The following CPSF3 variants were observed in gnomAD, a reference collection of about 807,000 sequenced individuals.
CPSF3 encodes the protein cleavage and polyadenylation specific factor 3.
CPSF3 carries 57 observed loss-of-function variants against 84.1 expected under a neutral mutation model. The ratio of observed to expected loss-of-function variants is 0.68; its 90% confidence interval spans 0.55 to 0.85. The LOEUF (loss-of-function observed/expected upper bound fraction) is 0.85. CPSF3 is among the 40% of genes least tolerant of loss of function. The probability of loss-of-function intolerance (pLI) is 0.00; values close to 1 mark genes in which losing one functional copy is unlikely to be tolerated. For synonymous variants in CPSF3, 275 were observed against 278.1 expected, an observed-to-expected ratio of 0.99 and a Z score of 0.11; for missense variants, 522 against 838.8, an observed-to-expected ratio of 0.62 and a Z score of 4.66.
At chr2:9,428,939 C>T (rs1680485480) in intron 2 of CPSF3, 111 bp downstream of exon 2, 1 of 673,878 alleles carries the variant, frequency 1.5e-6, no homozygotes, top group Non-Finnish European at 2.7e-6. Flanking sequence ...TGTTATAGTA[C>T]ATGTAATCTA....
intron 16 of CPSF3, among the ~76,000 whole-genome samples, chr2:9,470,881 TTAA>T (rs1404247306): frequency 6.6e-6 from 1 of 152,242 alleles, no homozygotes; most frequent in Non-Finnish European, 1.5e-5. Context: ...TTTTATAAAC[TTAA>T]TAAGCTGTAT....
chr2:9,444,156 A>ATTT (rs1455536114), intron 10 of CPSF3, among the ~76,000 whole-genome samples: 17 of 134,872 alleles, frequency 1.3e-4, no homozygotes, highest in African/African-American at 5.3e-4. Flanking sequence ...ATATATATAT[A>ATTT]TATTTTTTTT....
chr2:9,473,099 G>A lies in CPSF3; in HGVS notation c.*82G>A. 1 of 956,994 alleles carries A rather than the reference G, an allele frequency of 1.0e-6. No homozygotes were observed. The highest frequency in any genetic ancestry group is 1.6e-6 in the Non-Finnish European group (1 of 623,948). 59.3% of individuals were successfully genotyped at this position (956,994 alleles called of 1,614,324 possible). The stretch of plus-strand genomic sequence containing the variant: ...AATAAAATGCATTCGTTTCTCTGGG[G>A]GAGCCTGTTTACTTTTAATGTCAAA... On this transcript the variant is annotated 3_prime_UTR_variant, in exon 18 of 18. Coordinates refer to ENST00000238112, the MANE Select transcript of CPSF3 (RefSeq NM_016207.4).
chr2:9,444,987 C>T (rs1446247731), intron 10 of CPSF3, among the ~76,000 whole-genome samples: 1 of 152,046 alleles, frequency 6.6e-6, no homozygotes, highest in Admixed American at 6.6e-5. Context: ...TTTTTAAATA[C>T]GTTTTACTGT....
intron 9 of CPSF3, among the ~76,000 whole-genome samples, chr2:9,442,734 C>A (rs1055382789): frequency 5.3e-5 from 8 of 152,036 alleles, no homozygotes; most frequent in African/African-American, 1.9e-4. Flanking sequence ...TGCCTGTAAT[C>A]CCAGCTACTC....
At chr2:9,462,957 T>A (rs1681780868) in intron 15 of CPSF3, among the ~76,000 whole-genome samples, 1 of 152,180 alleles carries the variant, frequency 6.6e-6, no homozygotes, top group Non-Finnish European at 1.5e-5. Flanking sequence ...AGGTTTTATA[T>A]TCCTCTGGGA....
At chr2:9,467,830 G>GC (rs1682026947) in intron 16 of CPSF3, 54 bp downstream of exon 16, 23 of 1,459,708 alleles carry the variant, frequency 1.6e-5, no homozygotes, top group Non-Finnish European at 2.1e-5. Flanking sequence ...GCCGGAAGGA[G>GC]CCCTGGATTC....
At position 9,430,175 on chromosome 2, in the gene CPSF3, C is replaced by A. The variant is rs80124964; in HGVS notation, c.212+155C>A. On this transcript the variant is annotated intron_variant, in intron 3 of 17. Transcript: ENST00000238112. ...AGTCTAAACCAACACTCCGTAATGT[C>A]ATCACAGGCTAGAGAAGTTTGCTAT... 2.5e-4 allele frequency among the ~76,000 whole-genome samples: 38 copies of A among 152,312 alleles called. No individual in the cohort carries two copies. In the East Asian group the frequency reaches 7.3e-3, roughly 29 times the overall value.
At chr2:9,471,493 C>T (rs1456071922) in intron 17 of CPSF3, 54 bp downstream of exon 17, 2 of 1,058,904 alleles carry the variant, frequency 1.9e-6, no homozygotes, top group African/African-American at 1.6e-5. Flanking sequence ...AAAGTGAAGG[C>T]ATAAATAATC....
chr2:9,437,424 CA>C (rs993663303), intron 7 of CPSF3, among the ~76,000 whole-genome samples: 163 of 147,156 alleles, frequency 1.1e-3, no homozygotes, highest in Non-Finnish European at 1.8e-3. Flanking sequence ...CAAACAACAA[CA>C]AAAAAAAAAC....
intron 15 of CPSF3, among the ~76,000 whole-genome samples, chr2:9,463,115 G>C (rs4643512): frequency 0.069 from 10,543 of 152,274 alleles, 1,257 homozygotes; most frequent in African/African-American, 0.24. Flanking sequence ...TGACATTCTG[G>C]CATGTCCCAG....
rs565641240 is a variant in CPSF3 at position 9,437,479 on chromosome 2, A to G, written c.760+1118A>G. Among the ~76,000 whole-genome samples the G allele has an allele frequency of 2.0e-5, 3 of 152,312 alleles. No individual in the cohort carries two copies. The South Asian group carries it at 6.2e-4, about 32-fold the overall frequency. On this transcript the variant is annotated intron_variant, in intron 7 of 17. Transcript: ENST00000238112. ...AGTTAGGTAAAAAATGCACACACAAATGACTGAAAAGCTACTAAATCTGGA... is the reference window on the plus strand; with the variant it reads ...AGTTAGGTAAAAAATGCACACACAAGTGACTGAAAAGCTACTAAATCTGGA...
At chr2:9,444,137 A>AT in intron 10 of CPSF3, among the ~76,000 whole-genome samples, 1 of 125,416 alleles carries the variant, frequency 8.0e-6, no homozygotes, top group East Asian at 2.0e-4. Context: ...CTTAATATAT[A>AT]TATTATATAT....
intron 5 of CPSF3, among the ~76,000 whole-genome samples, chr2:9,433,459 A>G (rs1219802993): frequency 6.6e-6 from 1 of 152,236 alleles, no homozygotes; most frequent in East Asian, 1.9e-4. Flanking sequence ...CACAAAAAAT[A>G]AGTAGCACAA....
chr2:9,438,985 C>A (rs1680877568), intron 7 of CPSF3, among the ~76,000 whole-genome samples: 2 of 152,046 alleles, frequency 1.3e-5, no homozygotes, highest in South Asian at 4.1e-4. Context: ...AGAGTTTATT[C>A]ATAAAAACAC....
intron 2 of CPSF3, 104 bp from the exon 3 acceptor site, chr2:9,429,819 C>T: frequency 2.8e-6 from 2 of 703,486 alleles, no homozygotes; most frequent in Admixed American, 3.0e-5. Context: ...GCCTGGAGTC[C>T]ATCTTGAGTA....
chr2:9,432,970 G>A (rs758265978), intron 5 of CPSF3, among the ~76,000 whole-genome samples: 4 of 152,152 alleles, frequency 2.6e-5, no homozygotes, highest in Admixed American at 6.5e-5. Flanking sequence ...ATAGGATTCC[G>A]TTTGCTTTAG....
In CPSF3 at chr2:9,436,564, G is replaced by A. The variant is rs543410510; in HGVS notation, c.760+203G>A. On this transcript the variant is annotated intron_variant, in intron 7 of 17. Coordinates refer to ENST00000238112, the MANE Select transcript of CPSF3 (RefSeq NM_016207.4). ...TGAGGTGGGGAGATCACGAGATCAG[G>A]AGTTCAAGACCAGCCTGACCAAGAT... 1.3e-4 allele frequency among the ~76,000 whole-genome samples: 20 copies of A among 152,010 alleles called. 1 individual carries two copies. In the South Asian group the frequency reaches 4.0e-3, roughly 30 times the overall value.
chr2:9,444,969 CTTG>C (rs1398132955), intron 10 of CPSF3, among the ~76,000 whole-genome samples: 5 of 152,134 alleles, frequency 3.3e-5, no homozygotes, highest in South Asian at 4.2e-4. Flanking sequence ...CCTGGCCTTG[CTTG>C]TTGTTTTTTA....
Sources: gnomAD v4.1 joint callset for allele counts (sites outside exome capture counted in the v4.1 genomes callset) on GRCh38, gnomAD v4.1.1 for gene constraint, MANE v1.5 for transcripts, NCBI Gene and HGNC (gene_info 2026-07-23, HGNC 2026-07-21) for gene names.